The following INTU variants were observed in gnomAD, a reference collection of about 807,000 sequenced individuals.
INTU encodes the protein protein inturned.
A neutral mutation model predicts 100.5 loss-of-function variants in INTU; 68 were observed. That is an observed-to-expected ratio of 0.68 (90% confidence interval 0.56 to 0.83). The LOEUF (loss-of-function observed/expected upper bound fraction) is 0.83, where lower values mean the gene tolerates loss of function less well. Among genes scored for constraint, INTU ranks in the 40% least tolerant of loss-of-function variants. INTU has a pLI of 0.00. For synonymous variants in INTU, 357 were observed against 395.7 expected, an observed-to-expected ratio of 0.90 and a Z score of 1.16; for missense variants, 1,071 against 1,114.7, an observed-to-expected ratio of 0.96 and a Z score of 0.56.
rs537086930 is a variant in INTU, at chr4:127,714,646, C to G, written c.2717+553C>G. Among the ~76,000 whole-genome samples, 157 of 152,246 alleles carry G rather than the reference C, an allele frequency of 1.0e-3. 1 individual carries two copies. The Middle Eastern group carries it at 0.014, about 13-fold the overall frequency. On this transcript the variant is annotated intron_variant, in intron 15 of 15. Coordinates refer to ENST00000335251, the MANE Select transcript of INTU (RefSeq NM_015693.4). ...TGCTAACAGGTCATCTTGTCAGAGA[C>G]GATCCATTATCTCTTTCCCTCATCA...
Position 127,674,197 on chromosome 4 carries a change from G to A in INTU, c.1165G>A (p.Gly389Ser), listed in dbSNP as rs536587691. The stretch of plus-strand genomic sequence containing the variant: ...AGAATCTGACAAGTTGTTGCTAATT[G>A]GCCTGCCTGCTGAAGAGTAAGTTGA... ...WKESDKLLLI[G>S]LPAEEVPLPR... The change falls in exon 6 of 16, where the codon GGC (glycine) becomes AGC (serine). Residue 389 changes from glycine (G) to serine (S), a missense_variant. Transcript: ENST00000335251. 62 of 1,610,530 alleles carry A rather than the reference G, an allele frequency of 3.8e-5. No individual in the cohort carries two copies. In the East Asian group the frequency reaches 1.2e-3, roughly 30 times the overall value.
chr4:127,726,087 CAA>C lies in INTU; in HGVS notation c.*9653_*9654del, dbSNP rs1215415926. On this transcript the variant is annotated 3_prime_UTR_variant, in exon 16 of 16. Coordinates refer to ENST00000335251, the MANE Select transcript of INTU (RefSeq NM_015693.4). ...ATATAGCTAGCATTTTTTAAAATATCAAATACTGTCTCATTATCATATGTTTA... is the reference window on the plus strand; with the variant it reads ...ATATAGCTAGCATTTTTTAAAATATCATACTGTCTCATTATCATATGTTTA... The C allele has an allele frequency of 3.3e-5, 5 of 152,116 alleles. No homozygotes were observed. The highest frequency in any genetic ancestry group is 1.2e-4 in the African/African-American group (5 of 41,424). The allele number at this position is 152,116 out of a possible 1,614,324, so 9.4% of individuals were successfully genotyped here. A position where few individuals can be genotyped will look rare whatever the true frequency, so the allele number is the denominator to read the frequency against.
Position 127,705,625 on chromosome 4 carries a change from A to T in INTU, c.1601A>T (p.Asp534Val), listed in dbSNP as rs1730843666. ...ATATGCAGTCATTTGCCCAAGGATG[A>T]TCTTATTGATATTGCCGTATACTGT... Reference protein sequence around the residue: ...YLICSHLPKDDLIDIAVYCRH... With the variant: ...YLICSHLPKDVLIDIAVYCRH... The change falls in exon 11 of 16, where the codon GAT becomes GTT. Residue 534 changes from aspartate to valine, a missense_variant. Coordinates refer to ENST00000335251, the MANE Select transcript of INTU (RefSeq NM_015693.4). 12 of 1,613,940 alleles carry T rather than the reference A, an allele frequency of 7.4e-6. No homozygotes were observed. The highest frequency in any genetic ancestry group is 1.7e-4 in the Middle Eastern group (1 of 6,058).
In INTU at chr4:127,684,458, T is replaced by C. The variant is rs752573943; in HGVS notation, c.1231T>C (p.Leu411=). The C allele has an allele frequency of 6.3e-6, 10 of 1,599,512 alleles. No individual in the cohort carries two copies. In the East Asian group the frequency reaches 1.8e-4, roughly 29 times the overall value. ...RNMIENVIQT[L]KFMYGSLDSA... ...CATGATAGAAAATGTCATCCAAACC[T>C]TAAAATTTATGTATGGTTCTTTAGA... is the stretch of plus-strand genomic sequence containing the variant. Residue 411 remains leucine, a synonymous_variant, in exon 7 of 16, where the codon TTA becomes CTA. Transcript: ENST00000335251.
At chr4:127,676,939 G>C (rs898170297) in intron 6 of INTU, among the ~76,000 whole-genome samples, 15 of 152,192 alleles carry the variant, frequency 9.9e-5, no homozygotes, top group Non-Finnish European at 1.9e-4. Flanking sequence ...GGCGCACCAG[G>C]AGATTATATC....
chr4:127,714,089 G>C lies in INTU; in HGVS notation c.2713G>C (p.Val905Leu). The change falls in exon 15 of 16, where the codon GTA becomes CTA. Residue 905 changes from valine to leucine, a missense_variant. Physicochemically the swap from Val to Leu is conservative, Grantham distance 32 (BLOSUM62 1). Transcript: ENST00000335251. Reference protein sequence around the residue: ...KAPPVMAYWVVGRLFLHPKPQ... With the variant: ...KAPPVMAYWVLGRLFLHPKPQ... ...ACCACCAGTTATGGCTTACTGGGTA[G>C]TAGGGTAAGTGAGAAAAAAAAGTAT... 6.2e-7 allele frequency: 1 copy of C among 1,608,710 alleles called. No individual in the cohort carries two copies. Among genetic ancestry groups the C allele is most frequent in the Non-Finnish European group, 8.5e-7 (1 of 1,178,472 alleles).
intron 8 of INTU, among the ~76,000 whole-genome samples, chr4:127,691,714 C>A (rs1054592602): frequency 6.6e-6 from 1 of 151,726 alleles, no homozygotes; most frequent in Admixed American, 6.6e-5. Flanking sequence ...ATACACTGTA[C>A]CTAATGTGTA....
chr4:127,705,660 T>C lies in INTU; in HGVS notation c.1636T>C (p.Cys546Arg). 1 of 1,614,002 alleles carries C rather than the reference T, an allele frequency of 6.2e-7. No homozygotes were observed. Among genetic ancestry groups the C allele is most frequent in the Non-Finnish European group, 8.5e-7 (1 of 1,179,900 alleles). The change falls in exon 11 of 16, where the codon TGC becomes CGC. Residue 546 changes from cysteine to arginine, a missense_variant. Physicochemically the swap from Cys to Arg is radical, Grantham distance 180. Coordinates refer to ENST00000335251, the MANE Select transcript of INTU (RefSeq NM_015693.4). The part of the protein sequence containing the change: ...IDIAVYCRHY[C>R]LLPLAAKQRI... ...TATTGCCGTATACTGTCGCCACTATTGCCTGCTGCCTTTAGCAGCAAAACA... is the reference window on the plus strand; with the variant it reads ...TATTGCCGTATACTGTCGCCACTATCGCCTGCTGCCTTTAGCAGCAAAACA...
At chr4:127,692,084 G>T (rs985254165) in intron 8 of INTU, among the ~76,000 whole-genome samples, 27 of 151,190 alleles carry the variant, frequency 1.8e-4, no homozygotes, top group African/African-American at 6.6e-4. Context: ...TATCTTATTT[G>T]TATAATGACT....
chr4:127,675,750 TG>T (rs1729146225), intron 6 of INTU, among the ~76,000 whole-genome samples: 1 of 152,124 alleles, frequency 6.6e-6, no homozygotes, highest in South Asian at 2.1e-4. Flanking sequence ...TGTAGCTGCT[TG>T]GGTATCCTCA....
chr4:127,646,297 A>G (rs915002052), intron 2 of INTU, among the ~76,000 whole-genome samples: 21 of 152,148 alleles, frequency 1.4e-4, no homozygotes, highest in African/African-American at 5.1e-4. Flanking sequence ...TTCTTGTGAA[A>G]TGATAGGATA....
At chr4:127,635,345 T>G (rs1727022803) in intron 1 of INTU, among the ~76,000 whole-genome samples, 1 of 152,046 alleles carries the variant, frequency 6.6e-6, no homozygotes, top group Non-Finnish European at 1.5e-5. Flanking sequence ...TTGGTTGGGT[T>G]GAGGGAGCCA....
intron 2 of INTU, among the ~76,000 whole-genome samples, chr4:127,653,629 G>A (rs1430614216): frequency 6.6e-6 from 1 of 151,732 alleles, no homozygotes; most frequent in Non-Finnish European, 1.5e-5. Flanking sequence ...GCTGAGGAGA[G>A]CTTTACTTCC....
rs1730851536 is a variant in INTU at position 127,705,726 on chromosome 4, C to T, written c.1702C>T (p.Gln568Ter). The change falls in exon 11 of 16, where the codon CAG becomes TAG. Residue 568 changes from glutamine (Q) to a stop codon, truncating the protein, a stop_gained. Coordinates refer to ENST00000335251, the MANE Select transcript of INTU (RefSeq NM_015693.4). LOFTEE classifies it high-confidence loss of function. The part of the protein sequence containing the change: ...QLIIWREVFP[Q>*]HHLRPLADSS... ...GATCATATGGAGAGAAGTGTTTCCT[C>T]AGCATCACCTCCGACCTTTGGCAGA... 2 of 1,614,054 alleles carry T rather than the reference C, an allele frequency of 1.2e-6. No individual in the cohort carries two copies. The highest frequency in any genetic ancestry group is 8.5e-7 in the Non-Finnish European group (1 of 1,179,948).
chr4:127,692,488 T>C (rs1024731879), intron 8 of INTU, among the ~76,000 whole-genome samples: 1 of 152,204 alleles, frequency 6.6e-6, no homozygotes, highest in Non-Finnish European at 1.5e-5. Flanking sequence ...TTCTGGATAT[T>C]AGTCCTTTGT....
intron 8 of INTU, among the ~76,000 whole-genome samples, chr4:127,690,265 C>G (rs1388405501): frequency 2.6e-5 from 4 of 152,120 alleles, no homozygotes; most frequent in Non-Finnish European, 5.9e-5. Context: ...TTATTTCACC[C>G]TAAAAGAATA....
intron 13 of INTU, among the ~76,000 whole-genome samples, chr4:127,710,425 G>A (rs1240055389): frequency 6.6e-6 from 1 of 152,030 alleles, no homozygotes; most frequent in African/African-American, 2.4e-5. Flanking sequence ...AGTAGTTCTT[G>A]AGGAACATCA....
chr4:127,684,473 G>C lies in INTU; in HGVS notation c.1246G>C (p.Gly416Arg). The change falls in exon 7 of 16, where the codon GGT becomes CGT. Residue 416 changes from glycine to arginine, a missense_variant. Gly to Arg is a moderately radical substitution (Grantham distance 125). Coordinates refer to ENST00000335251, the MANE Select transcript of INTU (RefSeq NM_015693.4). ...CATCCAAACCTTAAAATTTATGTATGGTTCTTTAGATAGGTAAGTACTTCT... is the reference window on the plus strand; with the variant it reads ...CATCCAAACCTTAAAATTTATGTATCGTTCTTTAGATAGGTAAGTACTTCT... ...NVIQTLKFMY[G>R]SLDSAFCQIE... 1 of 1,562,774 alleles carries C rather than the reference G, an allele frequency of 6.4e-7. No individual in the cohort carries two copies. The highest frequency in any genetic ancestry group is 8.8e-7 in the Non-Finnish European group (1 of 1,139,536).
chr4:127,688,107 A>G (rs960252539), intron 8 of INTU, among the ~76,000 whole-genome samples: 6 of 152,062 alleles, frequency 3.9e-5, no homozygotes, highest in Non-Finnish European at 7.4e-5. Context: ...AGCTAGGACT[A>G]CTTTTCAGAA....
Sources: gnomAD v4.1 joint callset for allele counts (sites outside exome capture counted in the v4.1 genomes callset) on GRCh38, gnomAD v4.1.1 for gene constraint, MANE v1.5 for transcripts, NCBI Gene and HGNC (gene_info 2026-07-23, HGNC 2026-07-21) for gene names.